NRXN3: variants seen among roughly 807,000 people sequenced by gnomAD.
NRXN3 encodes neurexin III.
In NRXN3, 32 loss-of-function variants were observed where a neutral mutation model predicts 137.6. That is an observed-to-expected ratio of 0.23 (90% CI 0.18 to 0.31). The LOEUF (loss-of-function observed/expected upper bound fraction) is 0.31, where lower values mean the gene tolerates loss of function less well. Among genes scored for constraint, NRXN3 ranks in the 10% least tolerant of loss-of-function variants. The pLI is 1.00. For synonymous variants in NRXN3, 798 were observed against 784.5 expected (o/e 1.02, Z -0.29); for missense variants, 1,574 against 2,062.5 (o/e 0.76, Z 4.59).
At chr14:78,404,259 G>C (rs1301039960) in intron 4 of NRXN3, among the ~76,000 whole-genome samples, 1 of 151,856 alleles carries the variant, frequency 6.6e-6, no homozygotes, top group East Asian at 1.9e-4. Context: ...GACAGAAACA[G>C]GGTTGCATGT....
At chr14:79,586,120 C>A (rs2097763770) in intron 16 of NRXN3, among the ~76,000 whole-genome samples, 1 of 152,214 alleles carries the variant, frequency 6.6e-6, no homozygotes, top group Non-Finnish European at 1.5e-5. Flanking sequence ...ACTTGGCATT[C>A]TTTGTAACAG....
rs190034602 is a variant in NRXN3, at chr14:78,717,495, T to A, written c.2044+2356T>A. On this transcript the variant is annotated intron_variant, in intron 8 of 20. Transcript: ENST00000335750. ...CTGATTGTTTTGTTCCCCTACTAATTGTTTTTTGCCCCTGGATTGTTCCTG... is the reference window on the plus strand; with the variant it reads ...CTGATTGTTTTGTTCCCCTACTAATAGTTTTTTGCCCCTGGATTGTTCCTG... 1.8e-3 allele frequency among the ~76,000 whole-genome samples: 267 copies of A among 152,284 alleles called. 1 individual carries two copies. Among genetic ancestry groups the A allele is most frequent in the Non-Finnish European group, 1.7e-3 (119 of 68,020 alleles).
At chr14:78,724,535 G>A (rs994075119) in intron 8 of NRXN3, among the ~76,000 whole-genome samples, 1 of 141,368 alleles carries the variant, frequency 7.1e-6, no homozygotes, top group African/African-American at 2.9e-5. Context: ...GGAAATGAGT[G>A]GTCAATAGAA....
chr14:78,913,246 TTTTCTTTCTTTC>T (rs1277509308), intron 10 of NRXN3, among the ~76,000 whole-genome samples: 1,469 of 112,854 alleles, frequency 0.013, 30 homozygotes, highest in South Asian at 0.018. Context: ...TTTTCCTTTC[TTTTCTTTCTTTC>T]TTTCTTTCTT....
chr14:79,692,301 T>C, intron 18 of NRXN3, 39 bp downstream of exon 18: 1 of 1,430,364 alleles, frequency 7.0e-7, no homozygotes, highest in Non-Finnish European at 9.7e-7. Flanking sequence ...AATCATTTGA[T>C]CCTAAACCCT....
rs369577847 is a variant in NRXN3, at chr14:78,803,603, C to G, written c.2045-17C>G. 6.2e-7 allele frequency: 1 copy of G among 1,612,518 alleles called. No homozygotes were observed. The highest frequency in any genetic ancestry group is 8.5e-7 in the Non-Finnish European group (1 of 1,178,626). ...ACATCCGTCATCCTAACGATCTTCT[C>G]CATTCTTCTTTGGCAGAGGCATCCA... On this transcript the variant is annotated splice_polypyrimidine_tract_variant and intron_variant, in intron 8 of 20. Transcript: ENST00000335750.
chr14:79,206,143 T>C (rs1243772343), intron 15 of NRXN3, among the ~76,000 whole-genome samples: 1 of 152,218 alleles, frequency 6.6e-6, no homozygotes, highest in East Asian at 1.9e-4. Flanking sequence ...GTTACTAATA[T>C]ATAAATTATT....
intron 10 of NRXN3, among the ~76,000 whole-genome samples, chr14:78,893,477 T>C (rs1333245003): frequency 6.6e-6 from 1 of 151,880 alleles, no homozygotes; most frequent in African/African-American, 2.4e-5. Flanking sequence ...AAAGTCACTG[T>C]GATTTATAAT....
At chr14:79,621,485 A>T (rs1339826076) in intron 16 of NRXN3, among the ~76,000 whole-genome samples, 2 of 152,212 alleles carry the variant, frequency 1.3e-5, no homozygotes. Flanking sequence ...TTTTCTGTAC[A>T]TATTACATGT....
intron 4 of NRXN3, among the ~76,000 whole-genome samples, chr14:78,309,375 G>A (rs1246773895): frequency 4.6e-5 from 7 of 151,862 alleles, no homozygotes; most frequent in Non-Finnish European, 1.0e-4. Context: ...TAGGGGTTTG[G>A]TATAAATTAT....
At chr14:78,670,227 A>G (rs562394877) in intron 6 of NRXN3, among the ~76,000 whole-genome samples, 176 of 152,256 alleles carry the variant, frequency 1.2e-3, no homozygotes, top group African/African-American at 4.1e-3. Flanking sequence ...TCCATGGTGT[A>G]TATGTGCCAT....
At chr14:78,425,516 A>G (rs973312347) in intron 4 of NRXN3, among the ~76,000 whole-genome samples, 4 of 152,120 alleles carry the variant, frequency 2.6e-5, no homozygotes, top group African/African-American at 9.7e-5. Context: ...AGCCATCCAG[A>G]TGGCACCACT....
rs532692182 is a variant in NRXN3 at position 79,006,298 on chromosome 14, G to A, written c.3262+18157G>A. Among the ~76,000 whole-genome samples, 9 of 148,134 alleles carry A rather than the reference G, an allele frequency of 6.1e-5. No individual in the cohort carries two copies. In the South Asian group the frequency reaches 1.7e-3, roughly 28 times the overall value. On this transcript the variant is annotated intron_variant, in intron 15 of 20. Coordinates refer to ENST00000335750, the MANE Select transcript of NRXN3 (RefSeq NM_001330195.2). ...AGCAAAATCAAGAAAGCTATTAGGA[G>A]GCTCTTGAAAATAGGTGTGGTAAAT... is the stretch of plus-strand genomic sequence containing the variant.
At chr14:79,457,705 G>A (rs1156770752) in intron 15 of NRXN3, among the ~76,000 whole-genome samples, 1 of 152,092 alleles carries the variant, frequency 6.6e-6, no homozygotes, top group Non-Finnish European at 1.5e-5. Flanking sequence ...GTAAGTATGA[G>A]GATCATATAA....
chr14:79,524,362 T>C lies in NRXN3; in HGVS notation c.3444+56960T>C, dbSNP rs76541339. ...TTTTACTAATAACCAGATTGTCAGG[T>C]GGAAAACTTTTTCTAAGTGGACCTT... is the stretch of plus-strand genomic sequence containing the variant. On this transcript the variant is annotated intron_variant, in intron 16 of 20. Coordinates refer to ENST00000335750, the MANE Select transcript of NRXN3 (RefSeq NM_001330195.2). Among the ~76,000 whole-genome samples, 972 of 152,266 alleles carry C rather than the reference T, an allele frequency of 6.4e-3. 11 individuals carry two copies. Among genetic ancestry groups the C allele is most frequent in the Middle Eastern group, 0.041 (12 of 294 alleles).
chr14:78,791,471 C>T (rs1356370470), intron 8 of NRXN3, among the ~76,000 whole-genome samples: 1 of 152,096 alleles, frequency 6.6e-6, no homozygotes, highest in Non-Finnish European at 1.5e-5. Context: ...CTAGCCCCAC[C>T]TATGTTCCTA....
At chr14:79,646,897 A>C (rs1290510092) in intron 16 of NRXN3, among the ~76,000 whole-genome samples, 1 of 135,872 alleles carries the variant, frequency 7.4e-6, no homozygotes, top group Non-Finnish European at 1.7e-5. Flanking sequence ...CTTCCTATCC[A>C]AAGGGCTTTT....
At chr14:78,551,422 G>A (rs2096687903) in intron 4 of NRXN3, among the ~76,000 whole-genome samples, 1 of 151,880 alleles carries the variant, frequency 6.6e-6, no homozygotes, top group Admixed American at 6.6e-5. Flanking sequence ...TGTGATTTTT[G>A]TAGACTATAC....
At chr14:78,489,948 G>A (rs147399215) in intron 4 of NRXN3, among the ~76,000 whole-genome samples, 2,300 of 148,884 alleles carry the variant, frequency 0.015, 61 homozygotes, top group African/African-American at 0.055. Flanking sequence ...AGAGTCTCAC[G>A]CTATCACCCA....
Sources: allele counts gnomAD v4.1 joint callset (sites outside exome capture counted in the v4.1 genomes callset), GRCh38; gene constraint gnomAD v4.1.1; transcripts MANE v1.5; gene names NCBI Gene and HGNC (gene_info 2026-07-23, HGNC 2026-07-21).